Variants in CGRRF1 observed in about 807,000 individuals in gnomAD.
CGRRF1 encodes the protein cell growth regulator with RING finger domain protein 1.
A neutral mutation model predicts 37.2 loss-of-function variants in CGRRF1; 32 were observed. The observed-to-expected ratio is 0.86, with a 90% CI of 0.65 to 1.16. The LOEUF (loss-of-function observed/expected upper bound fraction) is 1.16. Among genes scored for constraint, CGRRF1 ranks in the 50% most tolerant of loss-of-function variants. The pLI, the probability that CGRRF1 is intolerant of heterozygous loss-of-function variation, is 0.00. For synonymous variants in CGRRF1, 141 were observed against 140.3 expected (o/e 1.00, Z -0.04); for missense variants, 391 against 382.6 (o/e 1.02, Z -0.18).
chr14:54,518,983 C>T (rs539085638), intron 1 of CGRRF1, among the ~76,000 whole-genome samples: 3 of 152,256 alleles, frequency 2.0e-5, no homozygotes, highest in African/African-American at 7.2e-5. Context: ...ACTCTTGTTG[C>T]CCAGGCTGGA....
chr14:54,531,088 T>G, intron 4 of CGRRF1, 38 bp downstream of exon 4: 1 of 1,424,950 alleles, frequency 7.0e-7, no homozygotes, highest in East Asian at 2.3e-5. Context: ...TACCTTTAAG[T>G]GATTTGAATG....
chr14:54,512,549 C>T (rs1162542838), intron 1 of CGRRF1, among the ~76,000 whole-genome samples: 4 of 152,214 alleles, frequency 2.6e-5, no homozygotes, highest in Non-Finnish European at 5.9e-5. Context: ...CCACCCTCTG[C>T]TTTGTGAATC....
intron 1 of CGRRF1, among the ~76,000 whole-genome samples, chr14:54,519,411 ATTTTTT>A (rs1217283462): frequency 3.3e-5 from 4 of 121,598 alleles, no homozygotes; most frequent in Non-Finnish European, 5.3e-5. Context: ...CTAATTTTCC[ATTTTTT>A]TTTTTTTTTT....
At chr14:54,527,617 A>G (rs536323754) in intron 2 of CGRRF1, among the ~76,000 whole-genome samples, 12 of 152,306 alleles carry the variant, frequency 7.9e-5, no homozygotes, top group African/African-American at 2.4e-4. Context: ...TACAAAGTCT[A>G]TAAACGAGTC....
At chr14:54,523,396 T>G (rs1474946029) in intron 2 of CGRRF1, among the ~76,000 whole-genome samples, 2 of 152,226 alleles carry the variant, frequency 1.3e-5, no homozygotes, top group Non-Finnish European at 2.9e-5. Context: ...GAAAAATAAG[T>G]TGTCTGCAGG....
intron 4 of CGRRF1, among the ~76,000 whole-genome samples, chr14:54,533,624 A>AT (rs1211598364): frequency 2.0e-5 from 3 of 150,740 alleles, no homozygotes; most frequent in Non-Finnish European, 4.4e-5. Context: ...CAGGGACTAT[A>AT]TTTTTTTAAA....
At chr14:54,522,433 T>C in intron 1 of CGRRF1, 21 bp from the exon 2 acceptor site, 1 of 1,472,800 alleles carries the variant, frequency 6.8e-7, no homozygotes, top group Non-Finnish European at 9.1e-7. Flanking sequence ...AAATAATATT[T>C]TATTTTTTAC....
In CGRRF1 at chr14:54,516,479, A is replaced by C. The variant is rs61987165; in HGVS notation, c.105-5975A>C. 9.7e-4 allele frequency among the ~76,000 whole-genome samples: 147 copies of C among 152,112 alleles called. 3 individuals are homozygous for C. In the South Asian group the frequency reaches 0.029, roughly 30 times the overall value. ...GATATTCTGCCTTCCATTGCTTCTT[A>C]TTAATATTAAAAAGCTACTGACATT... On this transcript the variant is annotated intron_variant, in intron 1 of 5. Coordinates refer to ENST00000216420, the MANE Select transcript of CGRRF1 (RefSeq NM_006568.3).
chr14:54,533,208 G>A (rs992401210), intron 4 of CGRRF1, among the ~76,000 whole-genome samples: 1 of 151,868 alleles, frequency 6.6e-6, no homozygotes, highest in Non-Finnish European at 1.5e-5. Context: ...ATTTTTGTGT[G>A]TGTGTTTTCA....
intron 1 of CGRRF1, among the ~76,000 whole-genome samples, chr14:54,515,090 GTTTT>G (rs935043483): frequency 3.2e-5 from 4 of 124,164 alleles, no homozygotes; most frequent in South Asian, 2.5e-4. Context: ...TGAGTTTTTT[GTTTT>G]TTTTTTTTTT....
chr14:54,534,526 T>C (rs2032570349), intron 4 of CGRRF1, among the ~76,000 whole-genome samples: 1 of 152,246 alleles, frequency 6.6e-6, no homozygotes, highest in South Asian at 2.1e-4. Flanking sequence ...TAATAAATCT[T>C]TATAAACTTG....
At chr14:54,524,453 A>G (rs1461240671) in intron 2 of CGRRF1, among the ~76,000 whole-genome samples, 2 of 148,930 alleles carry the variant, frequency 1.3e-5, no homozygotes, top group Non-Finnish European at 3.0e-5. Context: ...TAGTATGATC[A>G]TACCTCACTG....
At chr14:54,531,246 C>T (rs1052384758) in intron 4 of CGRRF1, 196 bp downstream of exon 4, 7 of 510,178 alleles carry the variant, frequency 1.4e-5, no homozygotes, top group Non-Finnish European at 2.1e-5. Flanking sequence ...TTATGGGTCA[C>T]AGTAATATGA....
At chr14:54,526,109 C>CA (rs1202524646) in intron 2 of CGRRF1, among the ~76,000 whole-genome samples, 2 of 145,954 alleles carry the variant, frequency 1.4e-5, no homozygotes, top group Non-Finnish European at 3.0e-5. Flanking sequence ...AAAACAAAAA[C>CA]AAAAAAACAC....
chr14:54,512,027 CT>C (rs143697078), intron 1 of CGRRF1, among the ~76,000 whole-genome samples: 167 of 152,314 alleles, frequency 1.1e-3, no homozygotes, highest in Non-Finnish European at 1.9e-3. Flanking sequence ...ATGATGAAAA[CT>C]TGGACACCAT....
chr14:54,525,876 C>T (rs2032402927), intron 2 of CGRRF1, among the ~76,000 whole-genome samples: 2 of 152,018 alleles, frequency 1.3e-5, no homozygotes, highest in African/African-American at 4.8e-5. Flanking sequence ...ACGGGCGGAT[C>T]CTTGAGTCCA....
chr14:54,510,959 A>G (rs953749445), intron 1 of CGRRF1, among the ~76,000 whole-genome samples: 1 of 152,172 alleles, frequency 6.6e-6, no homozygotes, highest in Non-Finnish European at 1.5e-5. Context: ...GTCAGAGGGG[A>G]CTCTGTTGAA....
chr14:54,525,707 GTAGA>G (rs2032399980), intron 2 of CGRRF1, among the ~76,000 whole-genome samples: 2 of 152,170 alleles, frequency 1.3e-5, no homozygotes, highest in Admixed American at 6.5e-5. Flanking sequence ...CATTTGATGT[GTAGA>G]TAGTTTAAAA....
intron 1 of CGRRF1, among the ~76,000 whole-genome samples, chr14:54,511,718 G>C (rs2032132986): frequency 6.6e-6 from 1 of 152,214 alleles, no homozygotes; most frequent in Admixed American, 6.5e-5. Context: ...TCCTGGCTCT[G>C]CCAGCTTTAA....
Sources: gnomAD v4.1 joint callset for allele counts (sites outside exome capture counted in the v4.1 genomes callset) on GRCh38, gnomAD v4.1.1 for gene constraint, MANE v1.5 for transcripts, NCBI Gene and HGNC (gene_info 2026-07-23, HGNC 2026-07-21) for gene names.